The following ADGRV1 variants were observed in gnomAD, a reference collection of about 807,000 sequenced individuals.
The protein encoded by ADGRV1 is adhesion G protein-coupled receptor V1, also known as G-protein coupled receptor 98.
A neutral mutation model predicts 596.2 loss-of-function variants in ADGRV1; 359 were observed. The observed-to-expected ratio is 0.60, with a 90% CI of 0.55 to 0.66. The LOEUF is 0.66. ADGRV1 is among the 30% of genes least tolerant of loss of function. The probability of loss-of-function intolerance (pLI) is 0.00; values close to 1 mark genes in which losing one functional copy is unlikely to be tolerated. For missense variants in ADGRV1, 7,274 were observed against 7,575.6 expected (o/e 0.96, Z 1.48); for synonymous variants, 2,681 against 2,679.2 (o/e 1.00, Z -0.02).
chr5:91,098,153 TTCA>T (rs1183362230), intron 86 of ADGRV1, among the ~76,000 whole-genome samples: 2 of 152,236 alleles, frequency 1.3e-5, no homozygotes, highest in Non-Finnish European at 2.9e-5. Flanking sequence ...TTATTAGTAG[TTCA>T]TCAAATGCGA....
chr5:90,978,394 C>T (rs1229170256), intron 84 of ADGRV1, among the ~76,000 whole-genome samples: 2 of 152,062 alleles, frequency 1.3e-5, no homozygotes, highest in South Asian at 2.1e-4. Context: ...TAACTTCTGT[C>T]CTTCATTGGG....
intron 85 of ADGRV1, among the ~76,000 whole-genome samples, chr5:91,013,419 A>T (rs1782888252): frequency 6.6e-6 from 1 of 152,064 alleles, no homozygotes; most frequent in South Asian, 2.1e-4. Flanking sequence ...CTGGTGTAAG[A>T]TGGTATCTCA....
chr5:90,828,924 T>G lies in ADGRV1; in HGVS notation c.16369-20T>G. The G allele has an allele frequency of 6.6e-7, 1 of 1,515,438 alleles. No individual in the cohort carries two copies. Among genetic ancestry groups the G allele is most frequent in the Non-Finnish European group, 8.9e-7 (1 of 1,126,316 alleles). 93.9% of individuals were successfully genotyped at this position (1,515,438 alleles called of 1,614,324 possible). A position where few individuals can be genotyped will look rare whatever the true frequency, so the allele number is the denominator to read the frequency against. ...ATATATTAGTAATAGTTGTTTTTTT[T>G]TCCTTTTTCTCATTGTCAGGTACCA... On this transcript the variant is annotated intron_variant, in intron 76 of 89. Transcript: ENST00000405460.
intron 85 of ADGRV1, among the ~76,000 whole-genome samples, chr5:91,008,366 T>C (rs565329758): frequency 6.6e-6 from 1 of 152,256 alleles, no homozygotes; most frequent in South Asian, 2.1e-4. Context: ...CACACTATTC[T>C]GGGGCATTTC....
chr5:91,143,305 G>A (rs946211624), intron 87 of ADGRV1, among the ~76,000 whole-genome samples: 5 of 152,210 alleles, frequency 3.3e-5, no homozygotes, highest in Middle Eastern at 3.2e-3. Context: ...CAAGGAAGGG[G>A]TGTGTTTCAG....
rs775086833 is a variant in ADGRV1, at chr5:90,720,216, GA to G, written c.9620del (p.Asn3207IlefsTer6). ...PLGLFSISAV[E>X]NRATSIDIEE... is the part of the protein sequence containing the mutation. ...GGGGCTATTCAGTATCTCTGCAGTTGAAAATAGGTATAGTTTATTCATAAGG... is the reference window on the plus strand; with the variant it reads ...GGGGCTATTCAGTATCTCTGCAGTTGAAATAGGTATAGTTTATTCATAAGG... On this transcript the variant is annotated frameshift_variant, in exon 44 of 90. Coordinates refer to ENST00000405460, the MANE Select transcript of ADGRV1 (RefSeq NM_032119.4). LOFTEE classifies it high-confidence loss of function. 1.3e-6 allele frequency: 2 copies of G among 1,533,142 alleles called. No homozygotes were observed. Among genetic ancestry groups the G allele is most frequent in the Non-Finnish European group, 1.8e-6 (2 of 1,137,946 alleles). The allele number at this position is 1,533,142 out of a possible 1,614,324, so 95.0% of individuals were successfully genotyped here.
chr5:90,900,109 G>T (rs1223907585), intron 83 of ADGRV1, among the ~76,000 whole-genome samples: 1 of 151,986 alleles, frequency 6.6e-6, no homozygotes, highest in Non-Finnish European at 1.5e-5. Flanking sequence ...TACAATTTTG[G>T]TAAAGTTTTA....
chr5:90,643,709 T>C lies in ADGRV1; in HGVS notation c.2554-94T>C, dbSNP rs1012396821. On this transcript the variant is annotated intron_variant, in intron 13 of 89. Transcript: ENST00000405460. The stretch of plus-strand genomic sequence containing the variant: ...TCAGTGAGTTATATGCTTCTGAAAC[T>C]TTGAGTATATTAATATTCTTGAATA... 4 of 952,486 alleles carry C rather than the reference T, an allele frequency of 4.2e-6. No homozygotes were observed. In the African/African-American group the frequency reaches 6.6e-5, roughly 16 times the overall value. The allele number at this position is 952,486 out of a possible 1,614,324, so 59.0% of individuals were successfully genotyped here.
intron 87 of ADGRV1, among the ~76,000 whole-genome samples, chr5:91,144,786 G>T (rs558899136): frequency 3.3e-4 from 51 of 152,312 alleles, no homozygotes; most frequent in African/African-American, 1.2e-3. Flanking sequence ...ATATTGTAAG[G>T]TATTGTTGTA....
chr5:91,059,217 G>A (rs1787182563), intron 85 of ADGRV1, among the ~76,000 whole-genome samples: 1 of 152,124 alleles, frequency 6.6e-6, no homozygotes, highest in Non-Finnish European at 1.5e-5. Context: ...ACTCTTGTAA[G>A]GTAGATGCCA....
At position 90,705,551 on chromosome 5, in the gene ADGRV1, T is replaced by G. The variant is rs6880570; in HGVS notation, c.8538T>G (p.Leu2846=). 0.15 allele frequency: 237,999 copies of G among 1,612,200 alleles called. 21,268 individuals are homozygous for G. Among genetic ancestry groups the G allele is most frequent in the East Asian group, 0.38 (16,857 of 44,846 alleles). Residue 2846 remains leucine, a synonymous_variant, in exon 37 of 90, where the codon CTT becomes CTG. Transcript: ENST00000405460. ...AAGAGGCTAACATAACAATTCAGCT[T>G]TTCATCAACAGAGAATTTGGATCTC... ...LLQEANITIQ[L]FINREFGSLG... is the part of the protein sequence containing the mutation.
chr5:90,651,117 A>G lies in ADGRV1; in HGVS notation c.3290-487A>G, dbSNP rs190062495. Among the ~76,000 whole-genome samples the G allele has an allele frequency of 5.0e-4, 76 of 152,324 alleles. No homozygotes were observed. The Middle Eastern group carries it at 0.01, about 20-fold the overall frequency. The stretch of plus-strand genomic sequence containing the variant: ...ATCAAACTTTGCTGCCTGAAGGCAG[A>G]GATGTAAAGGGAAACACTCAAGCCA... On this transcript the variant is annotated intron_variant, in intron 17 of 89. Transcript: ENST00000405460.
chr5:91,160,175 T>C (rs1796826299), intron 89 of ADGRV1, among the ~76,000 whole-genome samples: 1 of 152,162 alleles, frequency 6.6e-6, no homozygotes, highest in African/African-American at 2.4e-5. Context: ...TGAACACAAA[T>C]GAAAACATTC....
intron 1 of ADGRV1, among the ~76,000 whole-genome samples, chr5:90,589,754 G>C (rs1283124709): frequency 1.3e-5 from 2 of 152,032 alleles, no homozygotes; most frequent in African/African-American, 4.8e-5. Context: ...TTAGTTTTAA[G>C]GTTTTGGTTC....
Position 90,724,948 on chromosome 5 carries a change from G to C in ADGRV1, c.9865G>C (p.Val3289Leu), listed in dbSNP as rs1751565608. The part of the protein sequence containing the change: ...IYGIMLRKSS[V>L]TVYRWQGIFI... ...TGGTATAATGTTAAGAAAATCATCT[G>C]TTACTGTTTACCGATGGCAGGGGAT... is the stretch of plus-strand genomic sequence containing the variant. Residue 3289 changes from valine to leucine, a missense_variant, in exon 46 of 90, where the codon GTT (valine) becomes CTT (leucine). Physicochemically the swap from Val to Leu is conservative, Grantham distance 32 (BLOSUM62 1). This residue lies in a region of ADGRV1 where 3,643 missense variants were observed against 3,809.2 expected (regional missense o/e 0.96). Coordinates refer to ENST00000405460, the MANE Select transcript of ADGRV1 (RefSeq NM_032119.4). 1.2e-6 allele frequency: 2 copies of C among 1,608,110 alleles called. No individual in the cohort carries two copies. The highest frequency in any genetic ancestry group is 1.7e-5 in the Admixed American group (1 of 59,420).
At chr5:90,760,906 C>T (rs916535938) in intron 58 of ADGRV1, among the ~76,000 whole-genome samples, 24 of 152,174 alleles carry the variant, frequency 1.6e-4, no homozygotes, top group Non-Finnish European at 3.2e-4. Flanking sequence ...ATTGTTATTA[C>T]ATGATAACTA....
intron 74 of ADGRV1, among the ~76,000 whole-genome samples, 200 bp from the exon 75 acceptor site, chr5:90,815,414 CTTCTT>C (rs1426407515): frequency 2.0e-5 from 3 of 150,424 alleles, no homozygotes; most frequent in African/African-American, 4.9e-5. Context: ...TGTTTTATTT[CTTCTT>C]TTCTTCTATT....
chr5:90,635,921 A>C (rs1201356898), intron 10 of ADGRV1, among the ~76,000 whole-genome samples: 1 of 145,960 alleles, frequency 6.9e-6, no homozygotes, highest in East Asian at 2.0e-4. Context: ...TTTTTTTCTT[A>C]ATGGCCAAGA....
At chr5:91,062,144 CTCT>C (rs527962141) in intron 85 of ADGRV1, among the ~76,000 whole-genome samples, 38 of 152,276 alleles carry the variant, frequency 2.5e-4, no homozygotes, top group African/African-American at 7.5e-4. Flanking sequence ...CATCTGAACC[CTCT>C]TCTTCTTCTC....
Sources: allele counts gnomAD v4.1 joint callset (sites outside exome capture counted in the v4.1 genomes callset), GRCh38; gene constraint gnomAD v4.1.1; regional missense constraint gnomAD v4.1.1; transcripts MANE v1.5; gene names NCBI Gene and HGNC (gene_info 2026-07-23, HGNC 2026-07-21).